EIF4E: variants seen among roughly 807,000 people sequenced by gnomAD.
EIF4E encodes eukaryotic translation initiation factor 4E.
For synonymous variants in EIF4E, 71 were observed against 88.5 expected, an observed-to-expected ratio of 0.80 and a Z score of 1.11; for missense variants, 113 against 265.6, an observed-to-expected ratio of 0.43 and a Z score of 3.99.
intron 1 of EIF4E, among the ~76,000 whole-genome samples, chr4:98,919,676 A>G (rs1725563438): frequency 6.7e-6 from 1 of 149,364 alleles, no homozygotes; most frequent in Admixed American, 6.8e-5. Flanking sequence ...CTCCTGTCTC[A>G]GCCTCCCGAG....
chr4:98,886,676 T>A (rs988469313), intron 5 of EIF4E: 1 of 333,882 alleles, frequency 3.0e-6, no homozygotes, highest in African/African-American at 2.2e-5. Context: ...TAAATAAATA[T>A]CCGCACTCCA....
chr4:98,883,226 C>T (rs1487594777), intron 6 of EIF4E, among the ~76,000 whole-genome samples: 2 of 151,984 alleles, frequency 1.3e-5, no homozygotes, highest in South Asian at 2.1e-4. Context: ...GAGCTGACAT[C>T]GCGCTACTGC....
intron 3 of EIF4E, among the ~76,000 whole-genome samples, chr4:98,888,828 T>G (rs191064103): frequency 6.6e-6 from 1 of 152,312 alleles, no homozygotes; most frequent in Admixed American, 6.5e-5. Context: ...AGTCTGGTTC[T>G]CCTGGTGCTA....
At chr4:98,928,763 C>A (rs1579194055) in intron 1 of EIF4E, 3 of 1,267,612 alleles carry the variant, frequency 2.4e-6, no homozygotes, top group East Asian at 5.3e-5. Flanking sequence ...GCCTTCCTAT[C>A]ATGAAGACAC....
At chr4:98,889,724 A>C (rs1019153756) in intron 3 of EIF4E, among the ~76,000 whole-genome samples, 1 of 152,244 alleles carries the variant, frequency 6.6e-6, no homozygotes, top group Non-Finnish European at 1.5e-5. Context: ...TTCTAATTAG[A>C]AGGTAGAATT....
intron 1 of EIF4E, among the ~76,000 whole-genome samples, chr4:98,905,065 T>C (rs1037331886): frequency 6.6e-6 from 1 of 152,070 alleles, no homozygotes; most frequent in Non-Finnish European, 1.5e-5. Context: ...TTGCTTCCTA[T>C]AGACACTAAA....
intron 1 of EIF4E, among the ~76,000 whole-genome samples, chr4:98,923,136 C>T (rs1725723020): frequency 2.0e-5 from 3 of 151,488 alleles, no homozygotes; most frequent in East Asian, 1.9e-4. Context: ...CAGGCGTGAG[C>T]CACCACGCCC....
intron 2 of EIF4E, among the ~76,000 whole-genome samples, chr4:98,900,690 A>G (rs1184224440): frequency 6.6e-6 from 1 of 152,206 alleles, no homozygotes; most frequent in Non-Finnish European, 1.5e-5. Context: ...CACCATCAGC[A>G]TTCAGTGAAC....
intron 1 of EIF4E, among the ~76,000 whole-genome samples, chr4:98,923,804 G>T (rs1469876453): frequency 6.6e-6 from 1 of 152,178 alleles, no homozygotes; most frequent in African/African-American, 2.4e-5. Context: ...GTATGTAAAT[G>T]CATGGATATA....
intron 1 of EIF4E, among the ~76,000 whole-genome samples, chr4:98,922,577 A>G (rs1485437240): frequency 6.6e-6 from 1 of 151,884 alleles, no homozygotes; most frequent in East Asian, 1.9e-4. Context: ...AAAGAAATAA[A>G]TGAGTTAATA....
chr4:98,897,064 A>G (rs1003245223), intron 2 of EIF4E, among the ~76,000 whole-genome samples: 4 of 152,364 alleles, frequency 2.6e-5, no homozygotes, highest in Non-Finnish European at 5.9e-5. Context: ...GTCTGCAGAC[A>G]GGCAGGAGGC....
At chr4:98,927,344 T>C (rs1354977794) in intron 1 of EIF4E, among the ~76,000 whole-genome samples, 6 of 152,116 alleles carry the variant, frequency 3.9e-5, no homozygotes, top group African/African-American at 1.4e-4. Flanking sequence ...ATAAGAGTTT[T>C]TGAAATAGTT....
chr4:98,923,680 G>A (rs922574195), intron 1 of EIF4E, among the ~76,000 whole-genome samples: 27 of 152,286 alleles, frequency 1.8e-4, no homozygotes, highest in Non-Finnish European at 3.5e-4. Context: ...GTAGGGATAG[G>A]AGTGGGAAGA....
intron 1 of EIF4E, among the ~76,000 whole-genome samples, chr4:98,924,743 C>T (rs1725798393): frequency 6.6e-6 from 1 of 152,128 alleles, no homozygotes; most frequent in Admixed American, 6.5e-5. Context: ...CAGGCGCCTG[C>T]CACCAGGCCT....
intron 1 of EIF4E, among the ~76,000 whole-genome samples, chr4:98,905,399 C>T (rs890390488): frequency 1.3e-5 from 2 of 152,026 alleles, no homozygotes; most frequent in South Asian, 2.1e-4. Flanking sequence ...CATCGTGTAA[C>T]GAATTTTAGG....
At chr4:98,892,570 TACTCGG>T (rs1196018920) in intron 2 of EIF4E, among the ~76,000 whole-genome samples, 2 of 146,868 alleles carry the variant, frequency 1.4e-5, no homozygotes, top group African/African-American at 4.9e-5. Flanking sequence ...TAATTACAGC[TACTCGG>T]GAAGCTGAAG....
intron 3 of EIF4E, chr4:98,890,904 T>G: frequency 3.0e-6 from 1 of 330,578 alleles, no homozygotes; most frequent in Non-Finnish European, 5.6e-6. Context: ...AACAACGCAC[T>G]GCAATACCCA....
rs70955951 is a variant in EIF4E, at chr4:98,880,835, CAAAA to C, written c.*189_*192del. 1,089 of 806,838 alleles carry C rather than the reference CAAAA, an allele frequency of 1.3e-3. No homozygotes were observed. Among genetic ancestry groups the C allele is most frequent in the East Asian group, 2.5e-3 (50 of 19,692 alleles). 50.0% of individuals were successfully genotyped at this position (806,838 alleles called of 1,614,324 possible). On this transcript the variant is annotated 3_prime_UTR_variant, in exon 7 of 7. Transcript: ENST00000450253. Reference sequence around the variant, plus strand: ...TGATTGGGATAGTGGAAACTCTAGCCAAAAAAAAAAAAAAAAATGAACACAGAAG... The same window carrying C: ...TGATTGGGATAGTGGAAACTCTAGCCAAAAAAAAAAAAATGAACACAGAAG...
intron 1 of EIF4E, among the ~76,000 whole-genome samples, chr4:98,926,961 G>A (rs1447505802): frequency 6.6e-6 from 1 of 152,170 alleles, no homozygotes. Flanking sequence ...AAACCTCACA[G>A]AACTCCTTAT....
Sources: gnomAD v4.1 joint callset for allele counts (sites outside exome capture counted in the v4.1 genomes callset) on GRCh38, gnomAD v4.1.1 for gene constraint, MANE v1.5 for transcripts, NCBI Gene and HGNC (gene_info 2026-07-23, HGNC 2026-07-21) for gene names.